Variants in C9orf85 observed in about 807,000 individuals in gnomAD.
C9orf85 encodes the protein chromosome 9 open reading frame 85.
Under a neutral mutation model 14.9 loss-of-function variants are expected in C9orf85, and 16 were observed. The observed-to-expected ratio is 1.08, with a 90% CI of 0.73 to 1.63. The LOEUF is 1.63. C9orf85 is among the 40% of genes most tolerant of loss of function. C9orf85 has a pLI of 0.00. For synonymous variants in C9orf85, 45 were observed against 56.8 expected (o/e 0.79, Z 0.93); for missense variants, 172 against 186.1 (o/e 0.92, Z 0.44).
chr9:71,975,366 G>A (rs765053731), downstream of C9orf85, among the ~76,000 whole-genome samples: 11 of 149,548 alleles, frequency 7.4e-5, no homozygotes, highest in Non-Finnish European at 1.2e-4. Context: ...GCTTGAACCC[G>A]GTAAGCAAAG....
In C9orf85 at chr9:71,961,475, C is replaced by T. The variant is rs144080404; in HGVS notation, c.210-10030C>T. ...ACCAGGGAGGCTAAGGCAGGAGAATCGCTTGAACCTGGGAGGCTGAGGTTG... is the reference window on the plus strand; with the variant it reads ...ACCAGGGAGGCTAAGGCAGGAGAATTGCTTGAACCTGGGAGGCTGAGGTTG... On this transcript the variant is annotated intron_variant, in intron 2 of 3. Coordinates refer to ENST00000334731, the MANE Select transcript of C9orf85 (RefSeq NM_182505.5). Among the ~76,000 whole-genome samples the T allele has an allele frequency of 9.1e-3, 1,391 of 152,062 alleles. 21 individuals are homozygous for T. Among genetic ancestry groups the T allele is most frequent in the African/African-American group, 0.031 (1,287 of 41,460 alleles).
downstream of C9orf85, among the ~76,000 whole-genome samples, chr9:71,975,840 ATAAAT>A (rs1269443293): frequency 6.6e-6 from 1 of 152,250 alleles, no homozygotes; most frequent in Non-Finnish European, 1.5e-5. Flanking sequence ...CTCAAAAGAA[ATAAAT>A]TTTCTGTCCA....
At chr9:71,921,263 A>G (rs1827797122) in intron 1 of C9orf85, among the ~76,000 whole-genome samples, 1 of 152,142 alleles carries the variant, frequency 6.6e-6, no homozygotes, top group South Asian at 2.1e-4. Flanking sequence ...AGAGTCTGAC[A>G]CCTTTTAAGG....
At chr9:71,917,973 A>T (rs1399580813) in intron 1 of C9orf85, among the ~76,000 whole-genome samples, 1 of 152,220 alleles carries the variant, frequency 6.6e-6, no homozygotes, top group African/African-American at 2.4e-5. Context: ...ACTTGAGGTC[A>T]GGAGTTTGCA....
intron 3 of C9orf85, among the ~76,000 whole-genome samples, chr9:71,972,192 TA>T (rs1286160190): frequency 6.6e-6 from 1 of 152,200 alleles, no homozygotes; most frequent in Non-Finnish European, 1.5e-5. Flanking sequence ...AGACATCATA[TA>T]TTAATTTATT....
At chr9:71,977,562 A>G (rs920960127), downstream of C9orf85, among the ~76,000 whole-genome samples, 3 of 152,266 alleles carry the variant, frequency 2.0e-5, no homozygotes, top group Non-Finnish European at 4.4e-5. Flanking sequence ...TAAAACTGAT[A>G]GATGTCACAT....
intron 1 of C9orf85, among the ~76,000 whole-genome samples, chr9:71,930,677 T>C (rs930723701): frequency 6.6e-6 from 1 of 150,880 alleles, no homozygotes; most frequent in Non-Finnish European, 1.5e-5. Context: ...TGGTGGCACA[T>C]GCCTGTGGTC....
chr9:71,947,200 A>G (rs913820741), intron 2 of C9orf85, 88 bp downstream of exon 2: 7 of 844,336 alleles, frequency 8.3e-6, no homozygotes, highest in Admixed American at 2.8e-5. Flanking sequence ...TTGTGTCCAA[A>G]TAAATGTTAA....
At chr9:71,927,279 A>T (rs1218459123) in intron 1 of C9orf85, among the ~76,000 whole-genome samples, 3 of 151,190 alleles carry the variant, frequency 2.0e-5, no homozygotes, top group Admixed American at 1.3e-4. Flanking sequence ...AAAAAAAAAA[A>T]AAAAAAGTAT....
chr9:71,968,645 A>C (rs893717540), intron 2 of C9orf85, among the ~76,000 whole-genome samples: 3 of 152,176 alleles, frequency 2.0e-5, no homozygotes, highest in African/African-American at 7.2e-5. Context: ...GTCATTTGTT[A>C]GAAATAAATT....
chr9:71,931,658 A>G (rs1359388646), intron 1 of C9orf85, among the ~76,000 whole-genome samples: 1 of 152,188 alleles, frequency 6.6e-6, no homozygotes, highest in Admixed American at 6.5e-5. Context: ...GTTTCTTCCT[A>G]TATAAGATAG....
At chr9:71,966,031 A>G (rs1017856483) in intron 2 of C9orf85, among the ~76,000 whole-genome samples, 2 of 152,230 alleles carry the variant, frequency 1.3e-5, no homozygotes, top group Non-Finnish European at 2.9e-5. Context: ...CGCCTGTAAC[A>G]ATAGCTGAGT....
At chr9:71,943,941 T>C (rs182502157) in intron 1 of C9orf85, among the ~76,000 whole-genome samples, 485 of 151,446 alleles carry the variant, frequency 3.2e-3, no homozygotes, top group African/African-American at 0.011. Context: ...GACTCTAAAA[T>C]ATATGTTGTA....
rs1403036328 is a variant in C9orf85 at position 71,963,490 on chromosome 9, G to A, written c.210-8015G>A. 2.6e-5 allele frequency among the ~76,000 whole-genome samples: 4 copies of A among 152,194 alleles called. No individual in the cohort carries two copies. The East Asian group carries it at 5.8e-4, about 22-fold the overall frequency. On this transcript the variant is annotated intron_variant, in intron 2 of 3. Transcript: ENST00000334731. ...GCTGCATTGTGGTAGCCCCTTTCTG[G>A]GCTGGCCAAGTCTGGAGCCAGCTCC...
chr9:71,944,460 T>C (rs973224755), intron 1 of C9orf85, among the ~76,000 whole-genome samples: 11 of 152,170 alleles, frequency 7.2e-5, no homozygotes, highest in African/African-American at 2.4e-4. Flanking sequence ...TTGAACGAAC[T>C]AAATGACCTT....
chr9:71,930,056 T>C (rs916307971), intron 1 of C9orf85, among the ~76,000 whole-genome samples: 10 of 151,534 alleles, frequency 6.6e-5, no homozygotes, highest in African/African-American at 2.4e-4. Flanking sequence ...ATGTGGTTTG[T>C]AGATTTATGG....
intron 1 of C9orf85, among the ~76,000 whole-genome samples, chr9:71,936,545 T>C (rs1564088021): frequency 6.6e-6 from 1 of 152,122 alleles, no homozygotes; most frequent in Non-Finnish European, 1.5e-5. Flanking sequence ...CTTCCCATAT[T>C]ACTGCTGCAA....
chr9:71,983,649 T>C (rs952016390), downstream of C9orf85: 23 of 152,372 alleles, frequency 1.5e-4, no homozygotes, highest in Non-Finnish European at 2.4e-4. Flanking sequence ...ACCTGTTGTG[T>C]GTGCAGTTGT....
At chr9:71,966,634 G>A (rs985776305) in intron 2 of C9orf85, among the ~76,000 whole-genome samples, 8 of 152,038 alleles carry the variant, frequency 5.3e-5, no homozygotes, top group African/African-American at 1.9e-4. Context: ...TAAAAAAAAC[G>A]CAAAGGCAAG....
Sources: allele counts gnomAD v4.1 joint callset (sites outside exome capture counted in the v4.1 genomes callset), GRCh38; gene constraint gnomAD v4.1.1; transcripts MANE v1.5; gene names NCBI Gene and HGNC (gene_info 2026-07-23, HGNC 2026-07-21).